Variants in RCOR1 observed in about 807,000 individuals in gnomAD.
RCOR1 encodes the protein REST corepressor 1, also known as REST corepressor.
Under a neutral mutation model 64.0 loss-of-function variants are expected in RCOR1, and 12 were observed. The observed-to-expected ratio is 0.19, with a 90% CI of 0.12 to 0.30. The LOEUF is 0.30. Ranked by LOEUF, RCOR1 falls within the 10% of genes least tolerant of loss-of-function variation. The pLI, the probability that RCOR1 is intolerant of heterozygous loss-of-function variation, is 1.00. For missense variants in RCOR1, 502 were observed against 621.2 expected, an observed-to-expected ratio of 0.81 and a Z score of 2.04; for synonymous variants, 279 against 227.2, an observed-to-expected ratio of 1.23 and a Z score of -2.05.
intron 2 of RCOR1, among the ~76,000 whole-genome samples, chr14:102,606,162 G>C (rs952053021): frequency 4.6e-5 from 7 of 152,182 alleles, no homozygotes; most frequent in African/African-American, 1.7e-4. Flanking sequence ...CCGACCTCAA[G>C]TGATCTGCCT....
At chr14:102,713,115 G>A (rs1895995295) in intron 7 of RCOR1, among the ~76,000 whole-genome samples, 1 of 150,914 alleles carries the variant, frequency 6.6e-6, no homozygotes, top group Admixed American at 6.6e-5. Context: ...AACCATGCCT[G>A]GCTAATTTTT....
chr14:102,661,619 T>G (rs946503049), intron 2 of RCOR1, among the ~76,000 whole-genome samples: 19 of 152,196 alleles, frequency 1.2e-4, no homozygotes, highest in Non-Finnish European at 4.4e-5. Context: ...GTATTAGGTC[T>G]CTCATTAGAG....
At chr14:102,607,636 C>T (rs1893539885) in intron 2 of RCOR1, among the ~76,000 whole-genome samples, 1 of 152,124 alleles carries the variant, frequency 6.6e-6, no homozygotes, top group South Asian at 2.1e-4. Context: ...GTAATCCCAG[C>T]ACTTTGAGAG....
At position 102,656,058 on chromosome 14, in the gene RCOR1, A is replaced by G. The variant is rs543958477; in HGVS notation, c.362-25837A>G. On this transcript the variant is annotated intron_variant, in intron 2 of 11. Transcript: ENST00000262241. Reference sequence around the variant, plus strand: ...TAAGATTAAGCTTGTGTAAGTTGTAATGTTTCTTGATGTACCCATTTATTT... The same window carrying G: ...TAAGATTAAGCTTGTGTAAGTTGTAGTGTTTCTTGATGTACCCATTTATTT... 1.7e-5 allele frequency: 17 copies of G among 985,236 alleles called. 1 individual carries two copies. In the South Asian group the frequency reaches 6.1e-4, roughly 35 times the overall value. The allele number at this position is 985,236 out of a possible 1,614,324, so 61.0% of individuals were successfully genotyped here.
intron 2 of RCOR1, among the ~76,000 whole-genome samples, chr14:102,602,394 C>CTTTTTTTTT: frequency 9.6e-6 from 1 of 104,236 alleles, no homozygotes; most frequent in East Asian, 2.6e-4. Flanking sequence ...CTTTTCTTTT[C>CTTTTTTTTT]TTTTTTTTTT....
At chr14:102,651,414 G>A (rs912949315) in intron 2 of RCOR1, among the ~76,000 whole-genome samples, 1 of 152,016 alleles carries the variant, frequency 6.6e-6, no homozygotes, top group Non-Finnish European at 1.5e-5. Context: ...TTAGCTGGGC[G>A]TGGTGGCGGG....
chr14:102,604,880 C>G (rs537218431), intron 2 of RCOR1, among the ~76,000 whole-genome samples: 1 of 151,706 alleles, frequency 6.6e-6, no homozygotes, highest in Non-Finnish European at 1.5e-5. Flanking sequence ...GTCAGGAATT[C>G]AAGATCAGCC....
At chr14:102,619,888 TTTAA>T (rs1211351938) in intron 2 of RCOR1, among the ~76,000 whole-genome samples, 16 of 152,350 alleles carry the variant, frequency 1.1e-4, no homozygotes, top group Middle Eastern at 3.4e-3. Context: ...TAATAATCTC[TTTAA>T]TTATTAGCTT....
chr14:102,631,793 CTTTCTTTTTTTTCT>C (rs1197145542), intron 2 of RCOR1, among the ~76,000 whole-genome samples: 5 of 152,180 alleles, frequency 3.3e-5, no homozygotes, highest in African/African-American at 9.6e-5. Flanking sequence ...CTTTACTTTT[CTTTCTTTTTTTTCT>C]TTTCTTTTTT....
At chr14:102,725,657 A>C (rs1896244113) in intron 11 of RCOR1, among the ~76,000 whole-genome samples, 1 of 152,104 alleles carries the variant, frequency 6.6e-6, no homozygotes, top group African/African-American at 2.4e-5. Flanking sequence ...AGCTCACTGC[A>C]GCCTCCATCT....
At chr14:102,712,273 C>G (rs1895976530) in intron 7 of RCOR1, among the ~76,000 whole-genome samples, 2 of 152,078 alleles carry the variant, frequency 1.3e-5, no homozygotes, top group African/African-American at 4.8e-5. Flanking sequence ...ACCTCTGCCT[C>G]CCAGATTCAA....
intron 3 of RCOR1, among the ~76,000 whole-genome samples, chr14:102,692,438 T>A (rs1350658979): frequency 9.6e-6 from 1 of 104,254 alleles, no homozygotes; most frequent in African/African-American, 4.1e-5. Context: ...CAGGAAAAAG[T>A]TAACACACAC....
chr14:102,726,048 G>C (rs1483517881), intron 11 of RCOR1, among the ~76,000 whole-genome samples: 1 of 152,154 alleles, frequency 6.6e-6, no homozygotes, highest in East Asian at 1.9e-4. Context: ...AACATGGTGG[G>C]CTGGGCGTGG....
Position 102,721,002 on chromosome 14 carries a change from C to T in RCOR1, c.1054-5C>T, listed in dbSNP as rs1896159029. Reference sequence around the variant, plus strand: ...TTAAAATGAAAATTATTTTTTCCTTCCTAGATCCAGAATATTAAACAGACA... The same window carrying T: ...TTAAAATGAAAATTATTTTTTCCTTTCTAGATCCAGAATATTAAACAGACA... On this transcript the variant is annotated splice_polypyrimidine_tract_variant and splice_region_variant and intron_variant, in intron 8 of 11. Coordinates refer to ENST00000262241, the MANE Select transcript of RCOR1 (RefSeq NM_015156.4). 5 of 1,444,378 alleles carry T rather than the reference C, an allele frequency of 3.5e-6. No homozygotes were observed. The highest frequency in any genetic ancestry group is 1.4e-5 in the African/African-American group (1 of 69,320). 89.5% of individuals were successfully genotyped at this position (1,444,378 alleles called of 1,614,324 possible).
At chr14:102,689,148 T>C (rs1452788142) in intron 3 of RCOR1, among the ~76,000 whole-genome samples, 1 of 152,210 alleles carries the variant, frequency 6.6e-6, no homozygotes, top group East Asian at 1.9e-4. Context: ...TTAAAATATA[T>C]GTAGAGTTTA....
chr14:102,662,548 G>T (rs1257994586), intron 2 of RCOR1: 5 of 487,128 alleles, frequency 1.0e-5, no homozygotes, highest in Non-Finnish European at 2.0e-5. Flanking sequence ...GCTGCCCCTG[G>T]AGTCGCAGTG....
intron 2 of RCOR1, among the ~76,000 whole-genome samples, chr14:102,635,611 C>T (rs943035434): frequency 2.1e-4 from 32 of 152,172 alleles, no homozygotes; most frequent in Admixed American, 9.2e-4. Context: ...ATAATGATTG[C>T]ATAGCATGTT....
chr14:102,656,282 G>T (rs1894722276), intron 2 of RCOR1: 1 of 186,234 alleles, frequency 5.4e-6, no homozygotes, highest in Admixed American at 6.6e-5. Context: ...TAGGATTATA[G>T]GCATGTGCCA....
chr14:102,636,020 C>T (rs1411605056), intron 2 of RCOR1, among the ~76,000 whole-genome samples: 1 of 151,768 alleles, frequency 6.6e-6, no homozygotes, highest in Admixed American at 6.6e-5. Context: ...GCAACCTCCG[C>T]CTCCCAGGTT....
Sources: allele counts gnomAD v4.1 joint callset (sites outside exome capture counted in the v4.1 genomes callset), GRCh38; gene constraint gnomAD v4.1.1; transcripts MANE v1.5; gene names NCBI Gene and HGNC (gene_info 2026-07-23, HGNC 2026-07-21).